The following EYS variants were observed in gnomAD, a reference collection of about 807,000 sequenced individuals.
EYS encodes the protein protein eyes shut homolog.
EYS carries 250 observed loss-of-function variants against 282.1 expected under a neutral mutation model. The ratio of observed to expected loss-of-function variants is 0.89; its 90% CI spans 0.80 to 0.98. The LOEUF (loss-of-function observed/expected upper bound fraction) is 0.98. EYS is among the 50% of genes least tolerant of loss of function. The pLI is 0.00. For missense variants in EYS, 4,016 were observed against 3,709.0 expected (o/e 1.08, Z -2.15); for synonymous variants, 1,355 against 1,282.9 (o/e 1.06, Z -1.20).
intron 12 of EYS, among the ~76,000 whole-genome samples, chr6:65,199,551 T>C (rs1765849983): frequency 6.6e-6 from 1 of 152,092 alleles, no homozygotes; most frequent in Non-Finnish European, 1.5e-5. Context: ...AACCAGACAG[T>C]GCCATGAAAC....
chr6:65,176,020 T>A (rs1765214632), intron 12 of EYS, among the ~76,000 whole-genome samples: 1 of 151,522 alleles, frequency 6.6e-6, no homozygotes, highest in South Asian at 2.1e-4. Flanking sequence ...GTGGAATAAT[T>A]GCCACAATCA....
At chr6:64,329,143 A>G (rs1770538718) in intron 29 of EYS, among the ~76,000 whole-genome samples, 1 of 152,172 alleles carries the variant, frequency 6.6e-6, no homozygotes, top group Non-Finnish European at 1.5e-5. Flanking sequence ...GGCTGGAAAA[A>G]GGACTTTATG....
intron 12 of EYS, among the ~76,000 whole-genome samples, chr6:65,269,327 G>C (rs1269340703): frequency 1.3e-5 from 2 of 152,178 alleles, no homozygotes; most frequent in Non-Finnish European, 2.9e-5. Context: ...TCAGATTCTA[G>C]ATATCACAGT....
chr6:64,748,372 C>T (rs922163937), intron 22 of EYS, among the ~76,000 whole-genome samples: 5 of 152,182 alleles, frequency 3.3e-5, no homozygotes, highest in African/African-American at 9.7e-5. Context: ...TGAGGAGGAA[C>T]GGTTTCATTA....
chr6:65,331,170 T>C, intron 11 of EYS: 6 of 866,184 alleles, frequency 6.9e-6, no homozygotes, highest in Non-Finnish European at 8.3e-6. Flanking sequence ...ACATGATAAT[T>C]AGTTTCTAAA....
At chr6:65,174,806 T>C (rs1413606613) in intron 12 of EYS, among the ~76,000 whole-genome samples, 1 of 151,426 alleles carries the variant, frequency 6.6e-6, no homozygotes, top group East Asian at 1.9e-4. Context: ...ATTACATTTG[T>C]ATGTATTATA....
At chr6:64,295,066 A>T (rs1768867939) in intron 30 of EYS, among the ~76,000 whole-genome samples, 1 of 151,738 alleles carries the variant, frequency 6.6e-6, no homozygotes, top group African/African-American at 2.4e-5. Flanking sequence ...TATTGGGTAG[A>T]CATTTTCTCA....
chr6:64,215,424 A>C (rs1765900574), intron 31 of EYS, among the ~76,000 whole-genome samples: 1 of 152,108 alleles, frequency 6.6e-6, no homozygotes, highest in Non-Finnish European at 1.5e-5. Flanking sequence ...CAGTGAATTA[A>C]AGTTAGGAGA....
chr6:64,059,456 A>C (rs1209184501), intron 33 of EYS, among the ~76,000 whole-genome samples: 2 of 152,200 alleles, frequency 1.3e-5, no homozygotes, highest in Non-Finnish European at 2.9e-5. Context: ...TGGCTGGTAG[A>C]GTCCACTGGC....
intron 28 of EYS, among the ~76,000 whole-genome samples, chr6:64,429,299 T>C (rs1337101240): frequency 6.6e-6 from 1 of 152,162 alleles, no homozygotes; most frequent in African/African-American, 2.4e-5. Context: ...TAAAAGGTGA[T>C]TGGTAACCAA....
At chr6:64,571,121 G>A (rs1713981251) in intron 26 of EYS, among the ~76,000 whole-genome samples, 1 of 152,126 alleles carries the variant, frequency 6.6e-6, no homozygotes, top group African/African-American at 2.4e-5. Context: ...TCAGGATTAA[G>A]AAACTCACTC....
chr6:65,622,755 CTT>C (rs35201653), intron 2 of EYS, among the ~76,000 whole-genome samples: 51,442 of 143,020 alleles, frequency 0.36, 10,992 homozygotes, highest in Non-Finnish European at 0.49. Flanking sequence ...AATAATCTTT[CTT>C]TTTTTTTTTT....
intron 11 of EYS, among the ~76,000 whole-genome samples, chr6:65,314,766 C>A (rs182059623): frequency 2.6e-5 from 4 of 151,982 alleles, no homozygotes; most frequent in Non-Finnish European, 2.9e-5. Context: ...TTTTCAGGAA[C>A]TGTGCTCACT....
chr6:64,607,837 A>T (rs953559037), intron 24 of EYS, among the ~76,000 whole-genome samples: 5 of 152,140 alleles, frequency 3.3e-5, no homozygotes, highest in Admixed American at 6.6e-5. Context: ...GACAAACTAC[A>T]TTCTAACATT....
chr6:64,824,127 T>G (rs753826949), intron 19 of EYS, among the ~76,000 whole-genome samples: 36 of 151,874 alleles, frequency 2.4e-4, no homozygotes, highest in Non-Finnish European at 1.9e-4. Context: ...TGAAGCATAC[T>G]CTACCTGGGA....
chr6:65,027,553 A>G (rs1268674244), intron 13 of EYS, among the ~76,000 whole-genome samples: 4 of 152,234 alleles, frequency 2.6e-5, no homozygotes, highest in African/African-American at 9.6e-5. Context: ...TCAATGCCTC[A>G]TTAAAAACAA....
At chr6:63,850,564 C>G (rs1288338664) in intron 36 of EYS, among the ~76,000 whole-genome samples, 1 of 152,138 alleles carries the variant, frequency 6.6e-6, no homozygotes, top group Non-Finnish European at 1.5e-5. Context: ...AATTTCATAT[C>G]CAGTCAAACT....
At chr6:63,726,862 T>C (rs1048978372) in intron 41 of EYS, among the ~76,000 whole-genome samples, 182 bp from the exon 42 acceptor site, 2 of 152,216 alleles carry the variant, frequency 1.3e-5, no homozygotes, top group Non-Finnish European at 2.9e-5. Flanking sequence ...CCACTAACTT[T>C]AGGGTTTTGT....
At chr6:64,472,779 A>G (rs1451885796) in intron 26 of EYS, among the ~76,000 whole-genome samples, 1 of 152,194 alleles carries the variant, frequency 6.6e-6, no homozygotes, top group East Asian at 1.9e-4. Flanking sequence ...ATGAGACACA[A>G]TACAAAGAAG....
Sources: allele counts gnomAD v4.1 joint callset (sites outside exome capture counted in the v4.1 genomes callset), GRCh38; gene constraint gnomAD v4.1.1; transcripts MANE v1.5; gene names NCBI Gene and HGNC (gene_info 2026-07-23, HGNC 2026-07-21).